Variants in SNX29 observed in about 807,000 individuals in gnomAD.
SNX29 encodes sorting nexin 29, also known as sorting nexin-29.
A neutral mutation model predicts 102.1 loss-of-function variants in SNX29; 78 were observed. That is an observed-to-expected ratio of 0.76 (90% CI 0.64 to 0.92). SNX29 has a LOEUF of 0.92. SNX29 is among the 40% of genes least tolerant of loss of function. SNX29 has a pLI of 0.00. For missense variants in SNX29, 1,280 were observed against 1,061.7 expected, an observed-to-expected ratio of 1.21 and a Z score of -2.86; for synonymous variants, 580 against 414.5, an observed-to-expected ratio of 1.40 and a Z score of -4.85.
Position 12,571,814 on chromosome 16 carries a change from CT to C in SNX29, c.*3187del, listed in dbSNP as rs1269508201. 9.7e-7 allele frequency: 1 copy of C among 1,031,822 alleles called. No individual in the cohort carries two copies. Among genetic ancestry groups the C allele is most frequent in the Admixed American group, 5.4e-5 (1 of 18,558 alleles). The allele number at this position is 1,031,822 out of a possible 1,614,324, so 63.9% of individuals were successfully genotyped here. On this transcript the variant is annotated 3_prime_UTR_variant, in exon 21 of 21. Transcript: ENST00000566228. ...TCCTGCAATCAGTGTGAAATTCCAG[CT>C]TCTTTGATTCCCACTTAGCAGTATG...
chr16:12,257,115 G>T (rs934906388), intron 14 of SNX29, among the ~76,000 whole-genome samples: 1 of 152,170 alleles, frequency 6.6e-6, no homozygotes, highest in Admixed American at 6.5e-5. Context: ...ACAGAATCCA[G>T]TTCCGAGTAG....
intron 14 of SNX29, among the ~76,000 whole-genome samples, chr16:12,272,648 G>T (rs2079124875): frequency 1.3e-5 from 2 of 152,150 alleles, no homozygotes; most frequent in African/African-American, 4.8e-5. Context: ...TTTTGTTTGT[G>T]TCTTTAAATC....
At chr16:12,550,208 G>C (rs541907067) in intron 20 of SNX29, among the ~76,000 whole-genome samples, 9 of 152,304 alleles carry the variant, frequency 5.9e-5, no homozygotes, top group African/African-American at 1.9e-4. Flanking sequence ...ATAAAGCATG[G>C]AAGAGTACCA....
intron 13 of SNX29, among the ~76,000 whole-genome samples, chr16:12,177,871 C>T (rs2076295382): frequency 6.6e-6 from 1 of 152,178 alleles, no homozygotes; most frequent in Non-Finnish European, 1.5e-5. Context: ...TGAAATTCCC[C>T]CTGCCCTCAC....
chr16:12,571,097 TC>T lies in SNX29; in HGVS notation c.*2471del. Reference sequence around the variant, plus strand: ...ACATGACAGCAACTCCCCGAAGCCTTCCCTTTGGAATCCCATAGAATGTTCT... The same window carrying T: ...ACATGACAGCAACTCCCCGAAGCCTTCCTTTGGAATCCCATAGAATGTTCT... On this transcript the variant is annotated 3_prime_UTR_variant, in exon 21 of 21. Coordinates refer to ENST00000566228, the MANE Select transcript of SNX29 (RefSeq NM_032167.5). 8.6e-6 allele frequency: 2 copies of T among 232,564 alleles called. No individual in the cohort carries two copies. Among genetic ancestry groups the T allele is most frequent in the Middle Eastern group, 1.3e-3 (1 of 782 alleles). The allele number at this position is 232,564 out of a possible 1,614,324, so 14.4% of individuals were successfully genotyped here.
chr16:12,375,170 T>C (rs1268122015), intron 16 of SNX29: 1 of 152,194 alleles, frequency 6.6e-6, no homozygotes, highest in East Asian at 1.9e-4. Flanking sequence ...AACACTCCTC[T>C]AGATTTTATC....
rs1218661653 is a variant in SNX29, at chr16:12,572,727, T to A, written c.*4098T>A. On this transcript the variant is annotated 3_prime_UTR_variant, in exon 21 of 21. Transcript: ENST00000566228. ...TCTTCCAGCCTTGGCACAGAACTGA[T>A]GGCAAAGGAAGGGCTGGGTTTTCAG... is the stretch of plus-strand genomic sequence containing the variant. 2 of 1,063,756 alleles carry A rather than the reference T, an allele frequency of 1.9e-6. No individual in the cohort carries two copies. Among genetic ancestry groups the A allele is most frequent in the African/African-American group, 3.3e-5 (2 of 60,948 alleles). 65.9% of individuals were successfully genotyped at this position (1,063,756 alleles called of 1,614,324 possible).
intron 14 of SNX29, 62 bp downstream of exon 14, chr16:12,199,745 G>T: frequency 1.5e-6 from 2 of 1,366,048 alleles, no homozygotes; most frequent in South Asian, 2.4e-5. Flanking sequence ...ACCTGTACGT[G>T]GCACGCAATA....
Position 12,568,580 on chromosome 16 carries a change from GT to G in SNX29, c.2394del (p.Gln799SerfsTer45). On this transcript the variant is annotated frameshift_variant, in exon 21 of 21. Coordinates refer to ENST00000566228, the MANE Select transcript of SNX29 (RefSeq NM_032167.5). LOFTEE classifies it high-confidence loss of function. ...AASRFPKLSR[G>X]QPRETRNVEP... is the part of the protein sequence containing the mutation. ...TCCCGCTTCCCCAAACTGTCCCGGGGTCAGCCCCGGGAGACCCGCAACGTGG... is the reference window on the plus strand; with the variant it reads ...TCCCGCTTCCCCAAACTGTCCCGGGGCAGCCCCGGGAGACCCGCAACGTGG... The G allele has an allele frequency of 6.2e-7, 1 of 1,607,288 alleles. No individual in the cohort carries two copies. Among genetic ancestry groups the G allele is most frequent in the Non-Finnish European group, 8.5e-7 (1 of 1,179,836 alleles).
At chr16:12,001,356 G>A (rs1317431792) in intron 2 of SNX29, among the ~76,000 whole-genome samples, 1 of 152,102 alleles carries the variant, frequency 6.6e-6, no homozygotes, top group Non-Finnish European at 1.5e-5. Flanking sequence ...CGGGTGATCC[G>A]CCCAACTCGG....
chr16:12,419,562 GCCC>G (rs34648432), intron 18 of SNX29, among the ~76,000 whole-genome samples: 17 of 147,488 alleles, frequency 1.2e-4, no homozygotes, highest in South Asian at 2.2e-4. Flanking sequence ...ATCAGACTCA[GCCC>G]CCCCCCCCAT....
Position 12,570,675 on chromosome 16 carries a change from C to A in SNX29, c.*2046C>A, listed in dbSNP as rs540187154. 7.8e-5 allele frequency: 18 copies of A among 232,052 alleles called. No homozygotes were observed. The highest frequency in any genetic ancestry group is 3.5e-4 in the African/African-American group (16 of 45,272). 14.4% of individuals were successfully genotyped at this position (232,052 alleles called of 1,614,324 possible). A position where few individuals can be genotyped will look rare whatever the true frequency, so the allele number is the denominator to read the frequency against. On this transcript the variant is annotated 3_prime_UTR_variant, in exon 21 of 21. Transcript: ENST00000566228. The stretch of plus-strand genomic sequence containing the variant: ...ATTCCCTTGGGCCCAGGCTTATGAC[C>A]TGCACCTTTTCTGACACCTGCCCCC...
intron 14 of SNX29, among the ~76,000 whole-genome samples, chr16:12,201,459 T>C (rs919598427): frequency 3.3e-5 from 5 of 152,246 alleles, no homozygotes; most frequent in Non-Finnish European, 5.9e-5. Flanking sequence ...ATTTTTCTGT[T>C]ATTTTAAAGT....
intron 20 of SNX29, chr16:12,526,949 A>G (rs2076800316): frequency 2.6e-6 from 1 of 391,732 alleles, no homozygotes; most frequent in South Asian, 2.7e-5. Context: ...TTTGTGCCTA[A>G]TTAGCACGCA....
At chr16:12,498,561 C>G (rs565306037) in intron 19 of SNX29, among the ~76,000 whole-genome samples, 3 of 152,268 alleles carry the variant, frequency 2.0e-5, no homozygotes, top group African/African-American at 4.8e-5. Context: ...CTACTATGTG[C>G]CAGCCACTGA....
At position 12,050,204 on chromosome 16, in the gene SNX29, C is replaced by G. The variant is rs1402790599; in HGVS notation, c.748+1584C>G. On this transcript the variant is annotated intron_variant, in intron 7 of 20. Coordinates refer to ENST00000566228, the MANE Select transcript of SNX29 (RefSeq NM_032167.5). ...TTTGGAACTCTGCTTTTGAGGTGAT[C>G]TCAGAGTTGTGCTATACCAGTGAGG... Among the ~76,000 whole-genome samples, 3 of 152,286 alleles carry G rather than the reference C, an allele frequency of 2.0e-5. No individual in the cohort carries two copies. In the East Asian group the frequency reaches 5.8e-4, roughly 29 times the overall value.
Position 12,386,446 on chromosome 16 carries a change from C to G in SNX29, c.1900-12000C>G, listed in dbSNP as rs943014831. ...GGAGCCACTTGCCCTGCTCACAGAG[C>G]TAGGAGGAGGCAATTCGCAATGTGA... On this transcript the variant is annotated intron_variant, in intron 16 of 20. Coordinates refer to ENST00000566228, the MANE Select transcript of SNX29 (RefSeq NM_032167.5). Among the ~76,000 whole-genome samples, 3 of 152,154 alleles carry G rather than the reference C, an allele frequency of 2.0e-5. No individual in the cohort carries two copies. The South Asian group carries it at 6.2e-4, about 31-fold the overall frequency.
chr16:12,551,482 A>G (rs1301228788), intron 20 of SNX29, among the ~76,000 whole-genome samples: 1 of 152,202 alleles, frequency 6.6e-6, no homozygotes, highest in African/African-American at 2.4e-5. Flanking sequence ...TGCCTGGTTA[A>G]TGCAACATTA....
At chr16:12,490,129 A>G (rs2088470599) in intron 19 of SNX29, among the ~76,000 whole-genome samples, 1 of 152,058 alleles carries the variant, frequency 6.6e-6, no homozygotes, top group Admixed American at 6.6e-5. Flanking sequence ...TTTTAAGTTG[A>G]GGTATAGCAT....
Sources: allele counts gnomAD v4.1 joint callset (sites outside exome capture counted in the v4.1 genomes callset), GRCh38; gene constraint gnomAD v4.1.1; transcripts MANE v1.5; gene names NCBI Gene and HGNC (gene_info 2026-07-23, HGNC 2026-07-21).